Variants in CFAP54 observed in about 807,000 individuals in gnomAD.
CFAP54 encodes the protein cilia- and flagella-associated protein 54.
CFAP54 carries 290 observed loss-of-function variants against 370.4 expected under a neutral mutation model. The ratio of observed to expected loss-of-function variants is 0.78; its 90% confidence interval spans 0.71 to 0.86. CFAP54 has a LOEUF of 0.86. Among genes scored for constraint, CFAP54 ranks in the 40% least tolerant of loss-of-function variants. The pLI is 0.00. For synonymous variants in CFAP54, 1,206 were observed against 1,236.5 expected (o/e 0.98, Z 0.52); for missense variants, 3,399 against 3,528.7 (o/e 0.96, Z 0.93).
chr12:96,863,906 A>G (rs575025400), intron 67 of CFAP54, among the ~76,000 whole-genome samples: 1 of 152,148 alleles, frequency 6.6e-6, no homozygotes, highest in African/African-American at 2.4e-5. Context: ...ACCAGACCAT[A>G]CAGTAACAGT....
intron 56 of CFAP54, among the ~76,000 whole-genome samples, chr12:96,755,740 T>C (rs1041369938): frequency 2.0e-5 from 3 of 149,098 alleles, no homozygotes; most frequent in Admixed American, 6.8e-5. Context: ...TGATCTCGGC[T>C]CACTGCAACC....
At chr12:96,620,385 A>G (rs953667802) in intron 26 of CFAP54, among the ~76,000 whole-genome samples, 1 of 152,184 alleles carries the variant, frequency 6.6e-6, no homozygotes, top group Non-Finnish European at 1.5e-5. Flanking sequence ...GTCTCACGAT[A>G]TCCGACAGTT....
At chr12:96,624,609 A>T (rs1016048629) in intron 28 of CFAP54, among the ~76,000 whole-genome samples, 2 of 152,196 alleles carry the variant, frequency 1.3e-5, no homozygotes. Context: ...CATTTTTAAA[A>T]AGCAGGTACT....
rs376753940 is a variant in CFAP54, at chr12:96,575,233, T to G, written c.2620-1352T>G. ...AAGGAGTTATTTTCCTTTTTATTAT[T>G]GAGTTATAAAAATTCTCAGTTATAA... On this transcript the variant is annotated intron_variant, in intron 19 of 67. Transcript: ENST00000524981. Among the ~76,000 whole-genome samples, 7 of 152,280 alleles carry G rather than the reference T, an allele frequency of 4.6e-5. No homozygotes were observed. In the East Asian group the frequency reaches 7.7e-4, roughly 17 times the overall value.
intron 4 of CFAP54, among the ~76,000 whole-genome samples, chr12:96,509,815 C>CA (rs61180247): frequency 0.39 from 57,023 of 144,820 alleles, 11,306 homozygotes; most frequent in East Asian, 0.64. Flanking sequence ...GTCTCCATCT[C>CA]AAAAAAAAAA....
chr12:96,771,796 C>G (rs529604885), intron 60 of CFAP54, among the ~76,000 whole-genome samples: 15 of 152,310 alleles, frequency 9.8e-5, no homozygotes, highest in South Asian at 2.1e-4. Flanking sequence ...GGAGCTCTGG[C>G]CTGGGCTGAT....
chr12:96,863,554 C>T (rs1959931046), intron 67 of CFAP54, among the ~76,000 whole-genome samples: 1 of 152,192 alleles, frequency 6.6e-6, no homozygotes. Flanking sequence ...TGCCCTTCTA[C>T]CCACTCCATG....
intron 17 of CFAP54, among the ~76,000 whole-genome samples, chr12:96,561,635 T>C (rs1227585030): frequency 6.6e-6 from 1 of 151,754 alleles, no homozygotes; most frequent in Admixed American, 6.6e-5. Flanking sequence ...GAAACCAAGA[T>C]CTGTAAGCTA....
chr12:96,537,954 G>T (rs1307277200), intron 12 of CFAP54, among the ~76,000 whole-genome samples: 1 of 152,022 alleles, frequency 6.6e-6, no homozygotes, highest in East Asian at 1.9e-4. Context: ...TGGGTGTGGT[G>T]GTGTGCACCT....
intron 39 of CFAP54, among the ~76,000 whole-genome samples, chr12:96,675,675 C>G (rs1437923475): frequency 1.3e-5 from 2 of 152,124 alleles, no homozygotes; most frequent in African/African-American, 4.8e-5. Flanking sequence ...ATAGCAAAGA[C>G]TTGGAACCAA....
chr12:96,493,921 A>C (rs927715735), intron 1 of CFAP54, among the ~76,000 whole-genome samples: 11 of 152,226 alleles, frequency 7.2e-5, no homozygotes, highest in Admixed American at 3.9e-4. Flanking sequence ...AGTGGAAGAT[A>C]GGAAGTTGCA....
chr12:96,647,537 G>A (rs2136497687), intron 33 of CFAP54, among the ~76,000 whole-genome samples: 2 of 137,876 alleles, frequency 1.5e-5, no homozygotes, highest in South Asian at 2.3e-4. Context: ...TATATAGTAA[G>A]CATTGTCATT....
chr12:96,591,655 C>T (rs1036933930), intron 23 of CFAP54, among the ~76,000 whole-genome samples: 13 of 151,784 alleles, frequency 8.6e-5, no homozygotes, highest in African/African-American at 1.7e-4. Flanking sequence ...TTTGGGAGGC[C>T]GAGACGGGCG....
chr12:96,815,310 G>GA (rs553723346), intron 64 of CFAP54, among the ~76,000 whole-genome samples: 13 of 151,918 alleles, frequency 8.6e-5, no homozygotes, highest in African/African-American at 3.2e-4. Flanking sequence ...GACCAGTGAT[G>GA]ATGAGCTTTT....
intron 64 of CFAP54, among the ~76,000 whole-genome samples, chr12:96,817,121 A>C (rs1471944966): frequency 6.6e-6 from 1 of 152,176 alleles, no homozygotes; most frequent in East Asian, 1.9e-4. Context: ...CATAGGAGTA[A>C]ATCTTTTGCT....
intron 39 of CFAP54, among the ~76,000 whole-genome samples, chr12:96,670,347 T>C (rs1957130237): frequency 6.6e-6 from 1 of 152,216 alleles, no homozygotes; most frequent in Non-Finnish European, 1.5e-5. Flanking sequence ...TATGAATGCT[T>C]TGTGAATATT....
chr12:96,825,207 T>TTATA (rs202135170), intron 65 of CFAP54, among the ~76,000 whole-genome samples: 6 of 137,546 alleles, frequency 4.4e-5, no homozygotes, highest in Non-Finnish European at 1.5e-5. Flanking sequence ...TATATACATA[T>TTATA]TATATATATA....
intron 34 of CFAP54, among the ~76,000 whole-genome samples, chr12:96,648,934 A>G (rs548185990): frequency 1.3e-5 from 2 of 152,198 alleles, no homozygotes; most frequent in African/African-American, 4.8e-5. Context: ...CTGTAGTCTG[A>G]CGAACCTGAC....
chr12:96,580,554 TA>T (rs1306532420), intron 20 of CFAP54, 42 bp from the exon 21 acceptor site: 6 of 1,142,866 alleles, frequency 5.2e-6, no homozygotes, highest in Non-Finnish European at 7.1e-6. Context: ...TACATTGATA[TA>T]AAAGAATGCC....
Sources: allele counts gnomAD v4.1 joint callset (sites outside exome capture counted in the v4.1 genomes callset), GRCh38; gene constraint gnomAD v4.1.1; transcripts MANE v1.5; gene names NCBI Gene and HGNC (gene_info 2026-07-23, HGNC 2026-07-21).